The following SMC4 variants were observed in gnomAD, a reference collection of about 807,000 sequenced individuals.
SMC4 encodes structural maintenance of chromosomes protein 4.
SMC4 carries 87 observed loss-of-function variants against 145.6 expected under a neutral mutation model. The observed-to-expected ratio is 0.60, with a 90% CI of 0.50 to 0.71. The LOEUF (loss-of-function observed/expected upper bound fraction) is 0.71. Ranked by LOEUF, SMC4 falls within the 30% of genes least tolerant of loss-of-function variation. The probability of loss-of-function intolerance (pLI) is 0.00; values close to 1 mark genes in which losing one functional copy is unlikely to be tolerated. For missense variants in SMC4, 1,447 were observed against 1,537.1 expected (o/e 0.94, Z 0.98); for synonymous variants, 558 against 500.7 (o/e 1.11, Z -1.53).
Position 160,431,685 on chromosome 3 carries a change from G to A in SMC4, c.3157G>A (p.Glu1053Lys), listed in dbSNP as rs777896071. The A allele has an allele frequency of 4.3e-6, 7 of 1,609,908 alleles. No homozygotes were observed. Among genetic ancestry groups the A allele is most frequent in the Non-Finnish European group, 1.7e-6 (2 of 1,179,148 alleles). The change falls in exon 21 of 24, where the codon GAA becomes AAA. Residue 1053 changes from glutamate (E) to lysine (K), a missense_variant. Glu to Lys is a moderately conservative substitution (Grantham distance 56, BLOSUM62 1). Coordinates refer to ENST00000357388, the MANE Select transcript of SMC4 (RefSeq NM_001002800.3). ...GCATCCTATAGAAGATAATCCTATT[G>A]AAGAGATTTCGGTTCTAAGCCCAGA... ...SLHPIEDNPIEEISVLSPEDL... is the reference protein window; with the variant it reads ...SLHPIEDNPIKEISVLSPEDL...
intron 9 of SMC4, among the ~76,000 whole-genome samples, chr3:160,414,928 T>TC: frequency 6.6e-6 from 1 of 152,322 alleles, no homozygotes; most frequent in South Asian, 2.1e-4. Flanking sequence ...ATTTACCAAA[T>TC]CAGGAGTTCC....
chr3:160,421,219 A>G (rs1489820745), intron 13 of SMC4, among the ~76,000 whole-genome samples: 2 of 151,766 alleles, frequency 1.3e-5, no homozygotes, highest in African/African-American at 2.4e-5. Flanking sequence ...GTGAGCCACC[A>G]CACCCAGCCC....
At chr3:160,416,193 T>C (rs1335845753) in intron 9 of SMC4, 58 bp from the exon 10 acceptor site, 4 of 1,225,282 alleles carry the variant, frequency 3.3e-6, no homozygotes, top group South Asian at 2.1e-5. Context: ...ATGTCAAATA[T>C]TGATAGTATT....
intron 1 of SMC4, 28 bp from the exon 2 acceptor site, chr3:160,400,794 C>A: frequency 6.7e-7 from 1 of 1,481,596 alleles, no homozygotes; most frequent in Non-Finnish European, 8.9e-7. Flanking sequence ...CGCGGGCTGA[C>A]TTGCTCCCGG....
chr3:160,422,836 T>C (rs1031514256), intron 13 of SMC4, among the ~76,000 whole-genome samples: 2 of 152,142 alleles, frequency 1.3e-5, no homozygotes, highest in African/African-American at 2.4e-5. Flanking sequence ...TCACGTGATA[T>C]AAAGTAGGGC....
In SMC4 at chr3:160,401,940, T is replaced by C. The variant is rs756552398; in HGVS notation, c.165T>C (p.Asn55=). The change falls in exon 3 of 24, where the codon AAT becomes AAC. Residue 55 remains asparagine, a synonymous_variant. Transcript: ENST00000357388. ...AGACTGCAAGTGAGGAACTTGATAA[T>C]AGAAGTTTAGAAGAGATTTTGAACA... The part of the protein sequence containing the change: ...AAETASEELD[N]RSLEEILNSI... 6.0e-5 allele frequency: 96 copies of C among 1,602,780 alleles called. No homozygotes were observed. Among genetic ancestry groups the C allele is most frequent in the Non-Finnish European group, 8.1e-5 (95 of 1,175,674 alleles).
intron 4 of SMC4, among the ~76,000 whole-genome samples, chr3:160,403,749 T>G (rs1189751728): frequency 6.6e-6 from 1 of 152,130 alleles, no homozygotes. Flanking sequence ...TGACAGAACT[T>G]TTAAGGTTAA....
rs1266823294 is a variant in SMC4, at chr3:160,402,012, T to G, written c.237T>G (p.Ala79=). 9.4e-6 allele frequency: 15 copies of G among 1,602,036 alleles called. No homozygotes were observed. The highest frequency in any genetic ancestry group is 1.2e-5 in the Non-Finnish European group (14 of 1,175,100). ...CAGCAATGACCAATGAAGCTGGAGC[T>G]CCTCGGCTTATGATAACTCATATTG... The part of the protein sequence containing the change: ...PPPAMTNEAG[A]PRLMITHIVN... Residue 79 remains alanine, a synonymous_variant, in exon 3 of 24, where the codon GCT becomes GCG. Coordinates refer to ENST00000357388, the MANE Select transcript of SMC4 (RefSeq NM_001002800.3).
At chr3:160,416,608 A>G (rs1327842381) in intron 10 of SMC4, 193 bp downstream of exon 10, 2 of 352,804 alleles carry the variant, frequency 5.7e-6, no homozygotes, top group South Asian at 6.6e-5. Context: ...TAAAAAGTTT[A>G]CTAAATGAGA....
At chr3:160,404,654 A>AT in intron 5 of SMC4, 150 bp downstream of exon 5, 1 of 804,286 alleles carries the variant, frequency 1.2e-6, no homozygotes, top group South Asian at 1.3e-5. Context: ...GCGAATCATT[A>AT]TTTGCTGCTC....
In SMC4 at chr3:160,433,214, GTAAT is replaced by G. The variant is rs759421861; in HGVS notation, c.3714+6_3714+9del. 4.4e-6 allele frequency: 7 copies of G among 1,595,782 alleles called. No individual in the cohort carries two copies. The South Asian group carries it at 6.7e-5, about 15-fold the overall frequency. On this transcript the variant is annotated splice_donor_region_variant and intron_variant, in intron 23 of 23. Coordinates refer to ENST00000357388, the MANE Select transcript of SMC4 (RefSeq NM_001002800.3). ...ATTGTTGCATTTTATATATATGTAA[GTAAT>G]CATTTTGGGATTTTCATTCCAGAAA...
chr3:160,399,869 G>A (rs1714279340), intron 1 of SMC4, 120 bp downstream of exon 1: 2 of 152,346 alleles, frequency 1.3e-5, no homozygotes, highest in East Asian at 3.9e-4. Flanking sequence ...AGCTGCCGCT[G>A]GGAGATTTCT....
In SMC4 at chr3:160,415,484, TC is replaced by T. The variant is rs1293897674; in HGVS notation, c.1273-765del. ...CAGCCCCGCAAAAAAAAAGCTTTGTTCCATATGGTTACACAATAATTATAGA... is the reference window on the plus strand; with the variant it reads ...CAGCCCCGCAAAAAAAAAGCTTTGTTCATATGGTTACACAATAATTATAGA... On this transcript the variant is annotated intron_variant, in intron 9 of 23. Coordinates refer to ENST00000357388, the MANE Select transcript of SMC4 (RefSeq NM_001002800.3). 5.9e-5 allele frequency among the ~76,000 whole-genome samples: 9 copies of T among 152,344 alleles called. No individual in the cohort carries two copies. The East Asian group carries it at 1.5e-3, about 26-fold the overall frequency.
chr3:160,408,310 C>G (rs1028378697), intron 5 of SMC4, among the ~76,000 whole-genome samples: 2 of 152,170 alleles, frequency 1.3e-5, no homozygotes, highest in Non-Finnish European at 2.9e-5. Flanking sequence ...CTATTCATTC[C>G]TCTTAGATTT....
intron 10 of SMC4, 76 bp downstream of exon 10, chr3:160,416,491 T>C (rs547709284): frequency 4.2e-6 from 4 of 943,728 alleles, no homozygotes; most frequent in Middle Eastern, 3.8e-4. Context: ...TTTTCAAAAA[T>C]ACTGAAACCT....
rs138000709 is a variant in SMC4 at position 160,426,155 on chromosome 3, A to C, written c.2560A>C (p.Lys854Gln). Reference protein sequence around the residue: ...ANVLATAPDKKKQKLLEENVS... With the variant: ...ANVLATAPDKQKQKLLEENVS... ...TGTACTTGCTACAGCCCCTGACAAA[A>C]AAAAGCAGAAATTGCTAGAAGAAAA... Residue 854 changes from lysine to glutamine, a missense_variant, in exon 17 of 24, where the codon AAA becomes CAA. By Grantham distance (53) the Lys-to-Gln change is moderately conservative. Transcript: ENST00000357388. 6.2e-7 allele frequency: 1 copy of C among 1,611,136 alleles called. No homozygotes were observed. The highest frequency in any genetic ancestry group is 1.1e-5 in the South Asian group (1 of 90,258).
intron 9 of SMC4, 151 bp downstream of exon 9, chr3:160,414,668 A>G: frequency 1.6e-5 from 13 of 829,894 alleles, no homozygotes; most frequent in Non-Finnish European, 2.4e-5. Context: ...TACCCCCTCA[A>G]GGGAAACCTT....
intron 22 of SMC4, chr3:160,432,810 G>A (rs1718552560): frequency 1.8e-6 from 1 of 542,082 alleles, no homozygotes; most frequent in Admixed American, 3.3e-5. Flanking sequence ...ATAATACTTA[G>A]CTTGCTCTTT....
intron 1 of SMC4, chr3:160,400,601 C>T (rs1477072682): frequency 4.0e-6 from 2 of 502,190 alleles, no homozygotes; most frequent in East Asian, 7.3e-5. Context: ...GATCCTCAGG[C>T]ACGTCTAGAT....
Sources: gnomAD v4.1 joint callset for allele counts (sites outside exome capture counted in the v4.1 genomes callset) on GRCh38, gnomAD v4.1.1 for gene constraint, MANE v1.5 for transcripts, NCBI Gene and HGNC (gene_info 2026-07-23, HGNC 2026-07-21) for gene names.